IGF2BP3: variants seen among roughly 807,000 people sequenced by gnomAD.
The protein encoded by IGF2BP3 is insulin-like growth factor 2 mRNA-binding protein 3.
IGF2BP3 carries 9 observed loss-of-function variants against 73.8 expected under a neutral mutation model. That is an observed-to-expected ratio of 0.12 (90% CI 0.07 to 0.21). The LOEUF (loss-of-function observed/expected upper bound fraction) is 0.21. IGF2BP3 is among the 10% of genes least tolerant of loss of function. The pLI is 1.00. For missense variants in IGF2BP3, 542 were observed against 714.0 expected, an observed-to-expected ratio of 0.76 and a Z score of 2.75; for synonymous variants, 258 against 256.7, an observed-to-expected ratio of 1.01 and a Z score of -0.05.
intron 8 of IGF2BP3, among the ~76,000 whole-genome samples, chr7:23,344,898 G>A (rs1272426099): frequency 2.0e-5 from 3 of 152,212 alleles, no homozygotes; most frequent in African/African-American, 7.2e-5. Flanking sequence ...GCCCTGCCAA[G>A]CATTTTGTAT....
chr7:23,387,562 G>C (rs1211249144), intron 3 of IGF2BP3, among the ~76,000 whole-genome samples: 1 of 152,186 alleles, frequency 6.6e-6, no homozygotes, highest in Non-Finnish European at 1.5e-5. Context: ...AGAGAAGACT[G>C]GGTCTAGGGT....
chr7:23,419,097 C>T (rs1435373072), intron 2 of IGF2BP3, among the ~76,000 whole-genome samples: 1 of 152,166 alleles, frequency 6.6e-6, no homozygotes, highest in Non-Finnish European at 1.5e-5. Flanking sequence ...ACACACTTAT[C>T]TGATGACTAC....
At chr7:23,355,246 G>C (rs988418280) in intron 5 of IGF2BP3, among the ~76,000 whole-genome samples, 2 of 147,180 alleles carry the variant, frequency 1.4e-5, no homozygotes, top group African/African-American at 5.1e-5. Context: ...TTTTGAGACA[G>C]AGTCTCACTT....
At chr7:23,386,912 C>T (rs553983599) in intron 3 of IGF2BP3, among the ~76,000 whole-genome samples, 19 of 151,964 alleles carry the variant, frequency 1.3e-4, no homozygotes, top group African/African-American at 4.1e-4. Flanking sequence ...CCTAAAAATA[C>T]AAAAATTAAA....
In IGF2BP3 at chr7:23,311,009, C is replaced by T. The variant is rs1440514767; in HGVS notation, c.*1353G>A. 3 of 152,024 alleles carry T rather than the reference C, an allele frequency of 2.0e-5. No individual in the cohort carries two copies. The highest frequency in any genetic ancestry group is 4.4e-5 in the Non-Finnish European group (3 of 67,996). The allele number at this position is 152,024 out of a possible 1,614,324, so 9.4% of individuals were successfully genotyped here. Reference sequence around the variant, plus strand: ...TTTTCACAGTCATTCAAATTATATCCCAAAAACTTTTCTTGTATTCTCTAT... The same window carrying T: ...TTTTCACAGTCATTCAAATTATATCTCAAAAACTTTTCTTGTATTCTCTAT... On this transcript the variant is annotated 3_prime_UTR_variant, in exon 15 of 15. Coordinates refer to ENST00000258729, the MANE Select transcript of IGF2BP3 (RefSeq NM_006547.3).
At chr7:23,444,571 A>G (rs760381391) in intron 2 of IGF2BP3, among the ~76,000 whole-genome samples, 1 of 151,842 alleles carries the variant, frequency 6.6e-6, no homozygotes, top group Non-Finnish European at 1.5e-5. Flanking sequence ...TGAAACCCCC[A>G]TCTCTACTAA....
At chr7:23,324,370 GGAA>G (rs1419555479) in intron 10 of IGF2BP3, among the ~76,000 whole-genome samples, 11 of 151,784 alleles carry the variant, frequency 7.2e-5, no homozygotes, top group Admixed American at 4.6e-4. Flanking sequence ...GACTAAGCCA[GGAA>G]GAAGTTGAAT....
At chr7:23,411,984 C>T (rs1176508595) in intron 3 of IGF2BP3, among the ~76,000 whole-genome samples, 63 of 104,792 alleles carry the variant, frequency 6.0e-4, no homozygotes, top group African/African-American at 2.4e-3. Context: ...ACTTATTTCT[C>T]TTTTTTTTTT....
At chr7:23,334,248 A>T (rs1583898763) in intron 10 of IGF2BP3, among the ~76,000 whole-genome samples, 1 of 152,150 alleles carries the variant, frequency 6.6e-6, no homozygotes, top group East Asian at 1.9e-4. Context: ...GAATCGCTCG[A>T]ATCTGGGAGG....
chr7:23,330,773 G>A (rs1212503427), intron 10 of IGF2BP3, among the ~76,000 whole-genome samples: 2 of 151,966 alleles, frequency 1.3e-5, no homozygotes, highest in South Asian at 2.1e-4. Context: ...CTAGACATAC[G>A]GTCTAGAATC....
At chr7:23,350,470 A>G (rs537767390) in intron 6 of IGF2BP3, among the ~76,000 whole-genome samples, 32 of 152,300 alleles carry the variant, frequency 2.1e-4, no homozygotes, top group African/African-American at 7.2e-4. Flanking sequence ...GGAGCTAGGT[A>G]TGGGGGGAAG....
chr7:23,387,049 C>T (rs1410296090), intron 3 of IGF2BP3, among the ~76,000 whole-genome samples: 3 of 143,324 alleles, frequency 2.1e-5, no homozygotes, highest in Non-Finnish European at 4.5e-5. Flanking sequence ...CCTAGCAACA[C>T]GGCAAGACTC....
At chr7:23,362,730 G>A (rs1785262976) in intron 3 of IGF2BP3, 1 of 152,098 alleles carries the variant, frequency 6.6e-6, no homozygotes, top group African/African-American at 2.4e-5. Context: ...TTACTCATCA[G>A]TTTAACTACA....
chr7:23,374,191 T>C (rs1403485806), intron 3 of IGF2BP3, among the ~76,000 whole-genome samples: 1 of 152,202 alleles, frequency 6.6e-6, no homozygotes, highest in South Asian at 2.1e-4. Flanking sequence ...GGGAGCATTA[T>C]TCAAAATAGC....
At chr7:23,426,754 C>T (rs1787522355) in intron 2 of IGF2BP3, among the ~76,000 whole-genome samples, 1 of 152,126 alleles carries the variant, frequency 6.6e-6, no homozygotes. Context: ...AGGGAGTGTT[C>T]TGTACTTCCA....
chr7:23,387,986 G>T (rs188845701), intron 3 of IGF2BP3, among the ~76,000 whole-genome samples: 4 of 152,166 alleles, frequency 2.6e-5, no homozygotes. Flanking sequence ...GCCCAGGCTG[G>T]ATGAAGTGCA....
chr7:23,323,212 A>G (rs1313430650), intron 10 of IGF2BP3, among the ~76,000 whole-genome samples: 1 of 151,954 alleles, frequency 6.6e-6, no homozygotes, highest in Non-Finnish European at 1.5e-5. Flanking sequence ...TCAAAATAAA[A>G]GGATGGAGGA....
intron 2 of IGF2BP3, among the ~76,000 whole-genome samples, chr7:23,456,120 A>T (rs1788311057): frequency 6.6e-6 from 1 of 152,214 alleles, no homozygotes. Flanking sequence ...AAATGCAAAA[A>T]TAGGTAAACT....
intron 10 of IGF2BP3, among the ~76,000 whole-genome samples, chr7:23,325,559 C>T (rs1465167807): frequency 1.1e-4 from 17 of 152,184 alleles, no homozygotes; most frequent in East Asian, 9.6e-4. Flanking sequence ...CTTCACAGAA[C>T]TGGAAAAAAC....
Sources: allele counts gnomAD v4.1 joint callset (sites outside exome capture counted in the v4.1 genomes callset), GRCh38; gene constraint gnomAD v4.1.1; transcripts MANE v1.5; gene names NCBI Gene and HGNC (gene_info 2026-07-23, HGNC 2026-07-21).